The following FRMD4B variants were observed in gnomAD, a reference collection of about 807,000 sequenced individuals.
The protein encoded by FRMD4B is FERM domain containing 4B, also known as FERM domain-containing protein 4B.
In FRMD4B, 74 loss-of-function variants were observed where a neutral mutation model predicts 141.5. That is an observed-to-expected ratio of 0.52 (90% CI 0.43 to 0.63). FRMD4B has a LOEUF of 0.63. FRMD4B is among the 30% of genes least tolerant of loss of function. FRMD4B has a pLI of 0.00. For synonymous variants in FRMD4B, 506 were observed against 467.9 expected, an observed-to-expected ratio of 1.08 and a Z score of -1.05; for missense variants, 1,366 against 1,253.4, an observed-to-expected ratio of 1.09 and a Z score of -1.36.
At chr3:69,457,711 C>T (rs1043079336) in intron 1 of FRMD4B, among the ~76,000 whole-genome samples, 6 of 152,124 alleles carry the variant, frequency 3.9e-5, no homozygotes, top group African/African-American at 7.2e-5. Context: ...CACAGTTTAC[C>T]GTTCTATCTA....
At chr3:69,346,668 G>A (rs1019424808) in intron 1 of FRMD4B, among the ~76,000 whole-genome samples, 1 of 152,134 alleles carries the variant, frequency 6.6e-6, no homozygotes, top group Non-Finnish European at 1.5e-5. Context: ...GAGAGTGGGG[G>A]CCAATATTCA....
chr3:69,508,933 T>C (rs183265651), intron 1 of FRMD4B, among the ~76,000 whole-genome samples: 1 of 152,318 alleles, frequency 6.6e-6, no homozygotes, highest in Non-Finnish European at 1.5e-5. Flanking sequence ...AGCTAGAATG[T>C]TGTAGAGCTA....
chr3:69,417,361 G>A (rs544604309), intron 2 of FRMD4B, among the ~76,000 whole-genome samples: 2 of 152,286 alleles, frequency 1.3e-5, no homozygotes, highest in African/African-American at 2.4e-5. Context: ...CTTTTGAGAA[G>A]TGTCTGTTCA....
At chr3:69,474,082 C>T (rs1705939196) in intron 1 of FRMD4B, among the ~76,000 whole-genome samples, 1 of 152,182 alleles carries the variant, frequency 6.6e-6, no homozygotes, top group South Asian at 2.1e-4. Context: ...GATGGTAAAG[C>T]CCATCAGTGA....
chr3:69,526,000 ATCCC>A (rs1269605948), intron 1 of FRMD4B, among the ~76,000 whole-genome samples: 2 of 152,086 alleles, frequency 1.3e-5, no homozygotes, highest in Non-Finnish European at 2.9e-5. Context: ...TGCTTTCGGC[ATCCC>A]TCCCACTCCT....
chr3:69,224,648 A>G lies in FRMD4B; in HGVS notation c.624T>C (p.Phe208=). The G allele has an allele frequency of 6.3e-7, 1 of 1,586,126 alleles. No homozygotes were observed. Among genetic ancestry groups the G allele is most frequent in the Non-Finnish European group, 8.6e-7 (1 of 1,160,364 alleles). Residue 208 remains phenylalanine, a synonymous_variant, in exon 8 of 23, where the codon TTT becomes TTC. Transcript: ENST00000398540. ...ARKDLKTLPA[F]PTKTLQEHPS... is the part of the protein sequence containing the mutation. The stretch of plus-strand genomic sequence containing the variant: ...GATGCTCCTGAAGAGTTTTGGTTGG[A>G]AAGGCTGGTAATGTCTTTAAATCTT...
chr3:69,260,566 T>C (rs1167792358), intron 5 of FRMD4B, among the ~76,000 whole-genome samples: 1 of 152,234 alleles, frequency 6.6e-6, no homozygotes, highest in Non-Finnish European at 1.5e-5. Flanking sequence ...CTTGGTGGGC[T>C]TCCACATGGC....
At chr3:69,385,236 T>C (rs1264619992) in intron 1 of FRMD4B, among the ~76,000 whole-genome samples, 1 of 152,082 alleles carries the variant, frequency 6.6e-6, no homozygotes, top group Non-Finnish European at 1.5e-5. Flanking sequence ...TTCCAACGTG[T>C]AGCCGGGCCA....
chr3:69,427,725 G>A (rs368370314), intron 2 of FRMD4B, among the ~76,000 whole-genome samples: 32 of 133,868 alleles, frequency 2.4e-4, no homozygotes, highest in East Asian at 1.4e-3. Flanking sequence ...GCTCCATCTC[G>A]GCTCACTGCA....
intron 5 of FRMD4B, 108 bp downstream of exon 5, chr3:69,287,644 C>CTTT: frequency 3.7e-6 from 2 of 534,736 alleles, no homozygotes; most frequent in Non-Finnish European, 6.9e-6. Flanking sequence ...AGATTGTGGC[C>CTTT]TTTTTTTTTT....
chr3:69,448,564 G>C (rs1307522904), intron 1 of FRMD4B, among the ~76,000 whole-genome samples: 1 of 152,114 alleles, frequency 6.6e-6, no homozygotes, highest in Non-Finnish European at 1.5e-5. Context: ...CATTTTAATA[G>C]CTATGAAGCA....
chr3:69,454,566 G>A (rs1489997215), intron 1 of FRMD4B, among the ~76,000 whole-genome samples: 6 of 152,220 alleles, frequency 3.9e-5, no homozygotes, highest in African/African-American at 1.4e-4. Context: ...GGGCAGTGAG[G>A]GGCTTAGCAC....
chr3:69,181,213 C>T lies in FRMD4B; in HGVS notation c.2537G>A (p.Gly846Glu). ...NPSYRSSAHY[G>E]YERQRDYSRS... ...GCTGTAGTCCCTCTGGCGCTCATATCCATAGTGGGCTGAGGACCGGTAGGA... is the reference window on the plus strand; with the variant it reads ...GCTGTAGTCCCTCTGGCGCTCATATTCATAGTGGGCTGAGGACCGGTAGGA... The change falls in exon 21 of 23, where the codon GGA becomes GAA. Residue 846 changes from glycine (G) to glutamate (E), a missense_variant. Physicochemically the swap from Gly to Glu is moderately conservative, Grantham distance 98. Transcript: ENST00000398540. The T allele has an allele frequency of 3.1e-6, 5 of 1,613,998 alleles. No homozygotes were observed. The African/African-American group carries it at 6.7e-5, about 22-fold the overall frequency.
chr3:69,376,121 C>T (rs1703964981), intron 1 of FRMD4B, among the ~76,000 whole-genome samples: 1 of 151,950 alleles, frequency 6.6e-6, no homozygotes, highest in Admixed American at 6.6e-5. Context: ...TTTATAGATA[C>T]AAACAGATGT....
chr3:69,169,632 C>T lies in FRMD4B; in HGVS notation c.*2229G>A, dbSNP rs895629726. On this transcript the variant is annotated 3_prime_UTR_variant, in exon 23 of 23. Transcript: ENST00000398540. The stretch of plus-strand genomic sequence containing the variant: ...TCGGCCTCCCAAAGTGCTGGGATTA[C>T]AGGTGTGAGCCGCTATGCCTGGCCC... 1.3e-5 allele frequency among the ~76,000 whole-genome samples: 2 copies of T among 152,132 alleles called. No individual in the cohort carries two copies. Among genetic ancestry groups the T allele is most frequent in the African/African-American group, 4.8e-5 (2 of 41,426 alleles).
At chr3:69,406,767 CTG>C (rs1704656683) in intron 2 of FRMD4B, among the ~76,000 whole-genome samples, 1 of 151,960 alleles carries the variant, frequency 6.6e-6, no homozygotes, top group Non-Finnish European at 1.5e-5. Context: ...ATGTCTCTCT[CTG>C]TGTCTCAGGC....
At chr3:69,518,605 C>G (rs1296645268) in intron 1 of FRMD4B, among the ~76,000 whole-genome samples, 2 of 152,164 alleles carry the variant, frequency 1.3e-5, no homozygotes, top group Non-Finnish European at 2.9e-5. Flanking sequence ...GAATGTAACA[C>G]CTGGTGTTAT....
intron 10 of FRMD4B, 28 bp downstream of exon 10, chr3:69,218,294 G>A (rs745719053): frequency 1.1e-5 from 14 of 1,219,850 alleles, no homozygotes; most frequent in Middle Eastern, 1.9e-4. Flanking sequence ...CAATCATCAC[G>A]AAAGCTTTGT....
intron 21 of FRMD4B, among the ~76,000 whole-genome samples, chr3:69,178,808 G>T (rs973658087): frequency 6.6e-6 from 1 of 151,066 alleles, no homozygotes; most frequent in African/African-American, 2.5e-5. Context: ...AAATTAGGAT[G>T]ATAACAATAA....
Sources: allele counts gnomAD v4.1 joint callset (sites outside exome capture counted in the v4.1 genomes callset), GRCh38; gene constraint gnomAD v4.1.1; transcripts MANE v1.5; gene names NCBI Gene and HGNC (gene_info 2026-07-23, HGNC 2026-07-21).